Variants in EFCAB8 observed in about 807,000 individuals in gnomAD.
EFCAB8 encodes the protein EF-hand calcium-binding domain-containing protein 8.
EFCAB8 carries 100 observed loss-of-function variants against 116.3 expected under a neutral mutation model. The observed-to-expected ratio is 0.86, with a 90% CI of 0.73 to 1.02. EFCAB8 has a LOEUF of 1.02. Among genes scored for constraint, EFCAB8 ranks in the 50% least tolerant of loss-of-function variants. The probability of loss-of-function intolerance (pLI) is 0.00; values close to 1 mark genes in which losing one functional copy is unlikely to be tolerated. For missense variants in EFCAB8, 1,320 were observed against 1,416.9 expected (o/e 0.93, Z 1.10); for synonymous variants, 558 against 567.9 (o/e 0.98, Z 0.25).
intron 6 of EFCAB8, among the ~76,000 whole-genome samples, chr20:32,886,053 G>A (rs1964272651): frequency 6.6e-6 from 1 of 152,330 alleles, no homozygotes; most frequent in Non-Finnish European, 1.5e-5. Flanking sequence ...AGTCCAGGCA[G>A]GAAATCATAG....
At chr20:32,877,207 CTT>C (rs757130907) in intron 4 of EFCAB8, among the ~76,000 whole-genome samples, 12 of 115,044 alleles carry the variant, frequency 1.0e-4, no homozygotes, top group African/African-American at 2.1e-4. Flanking sequence ...TTATTTCTTT[CTT>C]TTTTTTTTTT....
At chr20:32,903,375 C>A (rs1032364993) in intron 11 of EFCAB8, 7 of 152,328 alleles carry the variant, frequency 4.6e-5, no homozygotes, top group African/African-American at 1.7e-4. Flanking sequence ...GTGCTTATGT[C>A]CCTTGCAGGA....
chr20:32,889,299 A>G lies in EFCAB8; in HGVS notation c.568-2A>G, dbSNP rs1985793526. 6.4e-7 allele frequency: 1 copy of G among 1,551,588 alleles called. No individual in the cohort carries two copies. The highest frequency in any genetic ancestry group is 1.7e-4 in the Middle Eastern group (1 of 5,952). On this transcript the variant is annotated splice_acceptor_variant, in intron 6 of 26. Transcript: ENST00000400522. LOFTEE classifies it high-confidence loss of function. ...CATCTCCTCTGCTCTTCCTCTGGCC[A>G]GCTTAACCAGACCCAGCAGCTCTAC... is the stretch of plus-strand genomic sequence containing the variant.
intron 3 of EFCAB8, among the ~76,000 whole-genome samples, 171 bp downstream of exon 3, chr20:32,867,918 C>T (rs375394565): frequency 1.3e-5 from 2 of 152,048 alleles, no homozygotes; most frequent in East Asian, 1.9e-4. Flanking sequence ...ACCACGGCAG[C>T]CTCAACCTCC....
At chr20:32,916,368 C>T (rs1325160617) in intron 17 of EFCAB8, among the ~76,000 whole-genome samples, 1 of 152,192 alleles carries the variant, frequency 6.6e-6, no homozygotes, top group Non-Finnish European at 1.5e-5. Context: ...AGTGATCCTC[C>T]TGCCTCAGCC....
At chr20:32,908,178 C>T (rs761372431) in intron 13 of EFCAB8, 97 bp from the exon 14 acceptor site, 6 of 1,153,874 alleles carry the variant, frequency 5.2e-6, no homozygotes, top group Non-Finnish European at 5.5e-6. Flanking sequence ...GGACGATGTG[C>T]CCTGGCCTTG....
At chr20:32,929,650 G>A (rs140102524) in intron 20 of EFCAB8, among the ~76,000 whole-genome samples, 8 of 151,568 alleles carry the variant, frequency 5.3e-5, no homozygotes, top group Non-Finnish European at 1.5e-5. Flanking sequence ...TTTGATAATC[G>A]AGATTTTTGT....
chr20:32,872,416 C>A (rs1984726201), intron 3 of EFCAB8, among the ~76,000 whole-genome samples: 1 of 152,138 alleles, frequency 6.6e-6, no homozygotes, highest in African/African-American at 2.4e-5. Flanking sequence ...AAGCCAGGAC[C>A]CAGCCCTGGG....
At chr20:32,892,622 C>A (rs958510843) in intron 8 of EFCAB8, among the ~76,000 whole-genome samples, 1 of 152,116 alleles carries the variant, frequency 6.6e-6, no homozygotes, top group East Asian at 1.9e-4. Context: ...TAACAAAGGG[C>A]AGCTGGAGGA....
intron 4 of EFCAB8, among the ~76,000 whole-genome samples, chr20:32,877,888 C>A (rs145282025): frequency 1.3e-5 from 2 of 152,140 alleles, no homozygotes; most frequent in African/African-American, 4.8e-5. Flanking sequence ...TGGGGGTGAT[C>A]TGAGGATGCA....
At chr20:32,876,703 A>C (rs1442731117) in intron 4 of EFCAB8, among the ~76,000 whole-genome samples, 1 of 152,172 alleles carries the variant, frequency 6.6e-6, no homozygotes, top group Non-Finnish European at 1.5e-5. Context: ...ACAGTGGCTC[A>C]TGCCTGTAAT....
chr20:32,955,285 A>G (rs1988929314), intron 23 of EFCAB8, among the ~76,000 whole-genome samples: 1 of 152,220 alleles, frequency 6.6e-6, no homozygotes, highest in Admixed American at 6.5e-5. Flanking sequence ...CATGCCTGTA[A>G]TCACAGCACT....
chr20:32,911,491 C>T lies in EFCAB8; in HGVS notation c.1569C>T (p.Gly523=). 6.7e-7 allele frequency: 1 copy of T among 1,488,948 alleles called. No individual in the cohort carries two copies. The highest frequency in any genetic ancestry group is 2.5e-5 in the East Asian group (1 of 40,164). 92.2% of individuals were successfully genotyped at this position (1,488,948 alleles called of 1,614,324 possible). Residue 523 remains glycine (G), a synonymous_variant, in exon 16 of 27, where the codon GGC becomes GGT. Transcript: ENST00000400522. ...YSKIFKQVVS[G]CLRGTVSVWE... ...TGTGCTCCCTACAGGTGGTGAGTGG[C>T]TGCCTGCGCGGCACAGTGAGTGTGT...
At chr20:32,865,795 A>G (rs74687305) in intron 2 of EFCAB8, among the ~76,000 whole-genome samples, 2 of 130,904 alleles carry the variant, frequency 1.5e-5, no homozygotes, top group African/African-American at 5.4e-5. Flanking sequence ...ACTCTGTCTC[A>G]AAAAAAAAAA....
chr20:32,881,867 A>G (rs984529496), intron 5 of EFCAB8, among the ~76,000 whole-genome samples: 1 of 152,200 alleles, frequency 6.6e-6, no homozygotes, highest in African/African-American at 2.4e-5. Context: ...TCAGGCCCTT[A>G]GGGAATTCTG....
chr20:32,950,061 G>A (rs1245098519), intron 23 of EFCAB8, among the ~76,000 whole-genome samples: 2 of 152,026 alleles, frequency 1.3e-5, no homozygotes, highest in Non-Finnish European at 2.9e-5. Flanking sequence ...AGAACTAAAG[G>A]CAAAAGTTAA....
intron 6 of EFCAB8, among the ~76,000 whole-genome samples, chr20:32,886,629 G>A (rs548377737): frequency 1.7e-4 from 26 of 152,210 alleles, no homozygotes; most frequent in Non-Finnish European, 2.6e-4. Context: ...TGAGGCTGTG[G>A]CTTCCATAGC....
At chr20:32,903,764 G>A (rs542318578) in intron 11 of EFCAB8, 1 of 152,580 alleles carries the variant, frequency 6.6e-6, no homozygotes, top group South Asian at 2.1e-4. Context: ...TGAAGGAACT[G>A]GCTGGGAGGC....
At chr20:32,860,999 A>G (rs2146156736) in intron 1 of EFCAB8, among the ~76,000 whole-genome samples, 1 of 151,958 alleles carries the variant, frequency 6.6e-6, no homozygotes, top group Non-Finnish European at 1.5e-5. Flanking sequence ...CTTGGCCTCA[A>G]GTGTTGGCAT....
Sources: gnomAD v4.1 joint callset for allele counts (sites outside exome capture counted in the v4.1 genomes callset) on GRCh38, gnomAD v4.1.1 for gene constraint, MANE v1.5 for transcripts, NCBI Gene and HGNC (gene_info 2026-07-23, HGNC 2026-07-21) for gene names.